Variants in DDX6 observed in about 807,000 individuals in gnomAD.
DDX6 encodes the protein DEAD-box helicase 6.
In DDX6, 7 loss-of-function variants were observed where a neutral mutation model predicts 60.6. That is an observed-to-expected ratio of 0.12 (90% CI 0.07 to 0.22). The LOEUF (loss-of-function observed/expected upper bound fraction) is 0.22. Ranked by LOEUF, DDX6 falls within the 10% of genes least tolerant of loss-of-function variation. The pLI, the probability that DDX6 is intolerant of heterozygous loss-of-function variation, is 1.00. For synonymous variants in DDX6, 207 were observed against 201.0 expected (o/e 1.03, Z -0.25); for missense variants, 270 against 589.9 (o/e 0.46, Z 5.62).
intron 4 of DDX6, 65 bp downstream of exon 4, chr11:118,779,567 C>T (rs1306862835): frequency 4.0e-5 from 44 of 1,100,248 alleles, no homozygotes; most frequent in Non-Finnish European, 5.3e-5. Flanking sequence ...TTCTGCAGAG[C>T]AAAAAGAAAA....
At chr11:118,755,037 A>C (rs1435051547) in intron 12 of DDX6, 150 bp from the exon 13 acceptor site, 12 of 753,218 alleles carry the variant, frequency 1.6e-5, no homozygotes, top group Admixed American at 3.2e-5. Flanking sequence ...TGGTCTTCAA[A>C]CACAGGTTTC....
At chr11:118,752,969 G>A (rs1555157787) in intron 13 of DDX6, among the ~76,000 whole-genome samples, 1 of 151,972 alleles carries the variant, frequency 6.6e-6, no homozygotes, top group African/African-American at 2.4e-5. Context: ...CAGGAAATCA[G>A]AGTGGGTATT....
At chr11:118,768,471 C>T (rs149068014) in intron 4 of DDX6, 119 bp from the exon 5 acceptor site, 10,465 of 1,008,078 alleles carry the variant, frequency 0.01, 70 homozygotes, top group Middle Eastern at 0.026. Context: ...AAGTATCCTA[C>T]ATTTGAATTC....
intron 2 of DDX6, 34 bp downstream of exon 2, chr11:118,786,018 C>T: frequency 6.3e-7 from 1 of 1,585,886 alleles, no homozygotes; most frequent in Non-Finnish European, 8.6e-7. Context: ...TGGTTCCCCA[C>T]AAGTGTTTAT....
intron 4 of DDX6, among the ~76,000 whole-genome samples, chr11:118,770,733 T>C (rs550414200): frequency 5.9e-5 from 9 of 151,812 alleles, no homozygotes; most frequent in East Asian, 1.9e-4. Flanking sequence ...CTGTTAAAAA[T>C]ACAAAAATGG....
At chr11:118,767,829 C>A in intron 5 of DDX6, 1 of 155,176 alleles carries the variant, frequency 6.4e-6, no homozygotes, top group Non-Finnish European at 1.4e-5. Context: ...GACAGGGTTT[C>A]GCAATGTTGG....
intron 5 of DDX6, chr11:118,767,964 T>G: frequency 2.9e-6 from 1 of 338,984 alleles, no homozygotes; most frequent in Non-Finnish European, 5.4e-6. Flanking sequence ...GCACTAATAC[T>G]TATTTTTCCT....
Position 118,780,048 on chromosome 11 carries a change from G to A in DDX6, c.265-312C>T, listed in dbSNP as rs190089360. 5.1e-3 allele frequency among the ~76,000 whole-genome samples: 734 copies of A among 143,896 alleles called. 8 individuals carry two copies. The highest frequency in any genetic ancestry group is 0.025 in the Middle Eastern group (7 of 280). 94.4% of individuals were successfully genotyped at this position (143,896 alleles called of 152,430 possible). A position where few individuals can be genotyped will look rare whatever the true frequency, so the allele number is the denominator to read the frequency against. On this transcript the variant is annotated intron_variant, in intron 3 of 13. Transcript: ENST00000534980. ...GGAGAATCGCTTGAACCCAGGAGAC[G>A]GAGGTTGCAGTGAGGTGAGATCGCA...
chr11:118,785,762 ACTAAG>A (rs1280672294), intron 2 of DDX6: 1 of 257,948 alleles, frequency 3.9e-6, no homozygotes, highest in Admixed American at 5.3e-5. Flanking sequence ...TTTACAACAA[ACTAAG>A]CTAATAACTT....
intron 4 of DDX6, among the ~76,000 whole-genome samples, chr11:118,775,012 T>C (rs1414844823): frequency 2.6e-5 from 4 of 152,034 alleles, no homozygotes; most frequent in Non-Finnish European, 4.4e-5. Context: ...ATCTCAGAAA[T>C]AGCAACTAAA....
At chr11:118,778,573 G>C (rs1340771667) in intron 4 of DDX6, among the ~76,000 whole-genome samples, 5 of 152,128 alleles carry the variant, frequency 3.3e-5, no homozygotes, top group African/African-American at 1.2e-4. Flanking sequence ...CTATCTTACT[G>C]GGTTGGAGGA....
chr11:118,755,028 G>A (rs782258493), intron 12 of DDX6, 141 bp from the exon 13 acceptor site: 16 of 779,590 alleles, frequency 2.1e-5, no homozygotes, highest in African/African-American at 7.0e-5. Context: ...ACTTCTTAAT[G>A]GTCTTCAAAC....
Position 118,786,383 on chromosome 11 carries a change from A to G in DDX6, c.-132T>C, listed in dbSNP as rs1862075130. ...GTCTTGCTCAATAAATGAGTCCTTT[A>G]TTGCAATGCAGGCAAGCACCTGTAA... On this transcript the variant is annotated 5_prime_UTR_variant, in exon 2 of 14. Transcript: ENST00000534980. 1 of 691,322 alleles carries G rather than the reference A, an allele frequency of 1.4e-6. No individual in the cohort carries two copies. Among genetic ancestry groups the G allele is most frequent in the African/African-American group, 1.8e-5 (1 of 55,180 alleles). 42.8% of individuals were successfully genotyped at this position (691,322 alleles called of 1,614,324 possible). A position where few individuals can be genotyped will look rare whatever the true frequency, so the allele number is the denominator to read the frequency against.
rs1184041829 is a variant in DDX6, at chr11:118,748,047, T to C, written c.*4058A>G. 2 of 152,150 alleles carry C rather than the reference T, an allele frequency of 1.3e-5. No homozygotes were observed. Among genetic ancestry groups the C allele is most frequent in the East Asian group, 1.9e-4 (1 of 5,176 alleles). The allele number at this position is 152,150 out of a possible 1,614,324, so 9.4% of individuals were successfully genotyped here. On this transcript the variant is annotated 3_prime_UTR_variant, in exon 14 of 14. Transcript: ENST00000534980. ...CTAGGGACATTGGAATTCTCTACCA[T>C]TTTTACTGAACAAAAAATAATTTTT...
At chr11:118,753,039 T>C (rs1490340322) in intron 13 of DDX6, among the ~76,000 whole-genome samples, 3 of 152,168 alleles carry the variant, frequency 2.0e-5, no homozygotes, top group African/African-American at 7.2e-5. Flanking sequence ...GTGGGTTATT[T>C]ATATATGAGG....
chr11:118,780,991 C>G, intron 3 of DDX6, 130 bp downstream of exon 3: 1 of 592,780 alleles, frequency 1.7e-6, no homozygotes, highest in Non-Finnish European at 3.1e-6. Context: ...ATCTATCTTA[C>G]TGGGTTGGAG....
At position 118,750,337 on chromosome 11, in the gene DDX6, T is replaced by C. The variant is rs1459484476; in HGVS notation, c.*1768A>G. 6.6e-6 allele frequency: 1 copy of C among 152,124 alleles called. No individual in the cohort carries two copies. The highest frequency in any genetic ancestry group is 1.5e-5 in the Non-Finnish European group (1 of 68,004). The allele number at this position is 152,124 out of a possible 1,614,324, so 9.4% of individuals were successfully genotyped here. On this transcript the variant is annotated 3_prime_UTR_variant, in exon 14 of 14. Coordinates refer to ENST00000534980, the MANE Select transcript of DDX6 (RefSeq NM_004397.6). Reference sequence around the variant, plus strand: ...AGATCAGGCCAAACATCAAGCATGTTGGGAGGGGCACAATTTAAAGCAACA... The same window carrying C: ...AGATCAGGCCAAACATCAAGCATGTCGGGAGGGGCACAATTTAAAGCAACA...
chr11:118,776,327 T>C (rs1395086857), intron 4 of DDX6, among the ~76,000 whole-genome samples: 1 of 152,210 alleles, frequency 6.6e-6, no homozygotes, highest in African/African-American at 2.4e-5. Flanking sequence ...ACCTCAATTA[T>C]ATAGGTCAGG....
chr11:118,759,845 T>G, intron 8 of DDX6, 77 bp downstream of exon 8: 1 of 1,449,928 alleles, frequency 6.9e-7, no homozygotes, highest in Non-Finnish European at 9.3e-7. Context: ...TTCACAGATA[T>G]GAAGATGTAA....
Sources: allele counts gnomAD v4.1 joint callset (sites outside exome capture counted in the v4.1 genomes callset), GRCh38; gene constraint gnomAD v4.1.1; transcripts MANE v1.5; gene names NCBI Gene and HGNC (gene_info 2026-07-23, HGNC 2026-07-21).